EPHX4: variants seen among roughly 807,000 people sequenced by gnomAD.
EPHX4 encodes epoxide hydrolase 4, also known as abhydrolase domain containing 7.
In EPHX4, 31 loss-of-function variants were observed where a neutral mutation model predicts 44.9. The observed-to-expected ratio is 0.69, with a 90% CI of 0.52 to 0.93. The LOEUF (loss-of-function observed/expected upper bound fraction) is 0.93. EPHX4 is among the 40% of genes least tolerant of loss of function. The probability of loss-of-function intolerance (pLI) is 0.00; values close to 1 mark genes in which losing one functional copy is unlikely to be tolerated. For synonymous variants in EPHX4, 151 were observed against 159.7 expected, an observed-to-expected ratio of 0.95 and a Z score of 0.41; for missense variants, 373 against 438.1, an observed-to-expected ratio of 0.85 and a Z score of 1.33.
intron 6 of EPHX4, among the ~76,000 whole-genome samples, chr1:92,056,473 A>G (rs1020583743): frequency 1.3e-5 from 2 of 152,116 alleles, no homozygotes; most frequent in Non-Finnish European, 2.9e-5. Context: ...AAAAATGGAC[A>G]AATCCATAAT....
Position 92,063,268 on chromosome 1 carries a change from A to G in EPHX4, c.1071A>G (p.Glu357=). The G allele has an allele frequency of 1.3e-6, 2 of 1,590,242 alleles. No homozygotes were observed. Among genetic ancestry groups the G allele is most frequent in the Admixed American group, 1.7e-5 (1 of 58,224 alleles). Residue 357 remains glutamate, a synonymous_variant, in exon 7 of 7, where the codon GAA becomes GAG. Transcript: ENST00000370383. ...NKLIWTFLKE[E]TRKKD ...TGATATGGACATTTCTAAAAGAAGA[A>G]ACAAGAAAAAAAGATTGACTTTTCT...
At chr1:92,032,175 T>A (rs1161021775) in intron 1 of EPHX4, among the ~76,000 whole-genome samples, 1 of 152,170 alleles carries the variant, frequency 6.6e-6, no homozygotes, top group East Asian at 1.9e-4. Context: ...AGTTACAAAT[T>A]GTGACATTGC....
intron 4 of EPHX4, among the ~76,000 whole-genome samples, chr1:92,049,535 A>G (rs1033697359): frequency 6.6e-6 from 1 of 152,216 alleles, no homozygotes; most frequent in Non-Finnish European, 1.5e-5. Flanking sequence ...CACACAGTAG[A>G]TAGTCAAATA....
chr1:92,041,323 A>G (rs1688504757), intron 2 of EPHX4, among the ~76,000 whole-genome samples: 1 of 152,186 alleles, frequency 6.6e-6, no homozygotes, highest in South Asian at 2.1e-4. Context: ...GCAGAGGTTT[A>G]TCTTAAATGG....
intron 2 of EPHX4, among the ~76,000 whole-genome samples, chr1:92,039,717 G>C (rs1383415129): frequency 6.6e-6 from 1 of 152,000 alleles, no homozygotes; most frequent in Admixed American, 6.5e-5. Flanking sequence ...GCGGTGACTC[G>C]ATCTCGGCTC....
At chr1:92,034,136 C>T (rs1208683736) in intron 2 of EPHX4, among the ~76,000 whole-genome samples, 3 of 120,660 alleles carry the variant, frequency 2.5e-5, no homozygotes, top group Non-Finnish European at 5.2e-5. Flanking sequence ...ACTAAAAATA[C>T]AAAAAAAAAA....
At chr1:92,051,113 A>G (rs139051209) in intron 5 of EPHX4, among the ~76,000 whole-genome samples, 21 of 152,172 alleles carry the variant, frequency 1.4e-4, no homozygotes, top group Middle Eastern at 3.2e-3. Flanking sequence ...GATTACAGGC[A>G]TAAGCCACCA....
At chr1:92,057,044 ACT>A (rs1295637173) in intron 6 of EPHX4, among the ~76,000 whole-genome samples, 1 of 152,162 alleles carries the variant, frequency 6.6e-6, no homozygotes, top group Non-Finnish European at 1.5e-5. Flanking sequence ...TTAAAACAAT[ACT>A]TAAGAAGAAA....
chr1:92,036,312 A>G (rs1688435832), intron 2 of EPHX4, among the ~76,000 whole-genome samples: 1 of 152,176 alleles, frequency 6.6e-6, no homozygotes, highest in Non-Finnish European at 1.5e-5. Flanking sequence ...GTCGTATTCT[A>G]AGAGATTTTG....
intron 6 of EPHX4, among the ~76,000 whole-genome samples, chr1:92,055,186 T>C (rs1459758082): frequency 1.3e-5 from 2 of 152,088 alleles, no homozygotes; most frequent in African/African-American, 4.8e-5. Context: ...ACAAAACAAT[T>C]TCAATATGTC....
intron 3 of EPHX4, chr1:92,043,491 T>A (rs983803307): frequency 6.6e-6 from 1 of 151,944 alleles, no homozygotes. Flanking sequence ...TAATGTATGC[T>A]GTTTATTATT....
rs1364137207 is a variant in EPHX4, at chr1:92,046,426, T to C, written c.604+766T>C. 2.0e-5 allele frequency among the ~76,000 whole-genome samples: 3 copies of C among 152,210 alleles called. No homozygotes were observed. In the East Asian group the frequency reaches 5.8e-4, roughly 29 times the overall value. ...GATAACTGTGGATTTTCTTTCTTAA[T>C]ACTATACCAAACTTAAAAATTAATG... is the stretch of plus-strand genomic sequence containing the variant. On this transcript the variant is annotated intron_variant, in intron 4 of 6. Coordinates refer to ENST00000370383, the MANE Select transcript of EPHX4 (RefSeq NM_173567.5).
chr1:92,032,644 A>T, intron 2 of EPHX4, 54 bp downstream of exon 2: 1 of 1,434,710 alleles, frequency 7.0e-7, no homozygotes, highest in Admixed American at 1.7e-5. Flanking sequence ...TTATTTTCTC[A>T]GTTCATTTTG....
intron 2 of EPHX4, among the ~76,000 whole-genome samples, chr1:92,037,261 G>A (rs1254018680): frequency 6.6e-6 from 1 of 152,094 alleles, no homozygotes; most frequent in Non-Finnish European, 1.5e-5. Flanking sequence ...AAACAGAAAA[G>A]CACCATGCAA....
chr1:92,058,136 T>C (rs754622658), intron 6 of EPHX4, among the ~76,000 whole-genome samples: 1 of 151,920 alleles, frequency 6.6e-6, no homozygotes, highest in Non-Finnish European at 1.5e-5. Flanking sequence ...CAAGGATGAG[T>C]TAGCATTAAA....
chr1:92,039,912 C>T (rs1688486829), intron 2 of EPHX4, among the ~76,000 whole-genome samples: 1 of 152,168 alleles, frequency 6.6e-6, no homozygotes, highest in Non-Finnish European at 1.5e-5. Context: ...CTTTGGCCTT[C>T]CAAAGTGCTA....
chr1:92,042,999 A>T lies in EPHX4; in HGVS notation c.475+19A>T. ...TCTTTAGGTAGGTTAGTTTGAAACA[A>T]AACAACTCTTTTTAAGGGACAAACA... is the stretch of plus-strand genomic sequence containing the variant. On this transcript the variant is annotated intron_variant, in intron 3 of 6. Transcript: ENST00000370383. The T allele has an allele frequency of 1.3e-6, 2 of 1,560,738 alleles. No individual in the cohort carries two copies. The highest frequency in any genetic ancestry group is 2.3e-5 in the South Asian group (2 of 85,510).
chr1:92,031,047 C>T (rs1688352795), intron 1 of EPHX4, among the ~76,000 whole-genome samples: 1 of 152,116 alleles, frequency 6.6e-6, no homozygotes, highest in South Asian at 2.1e-4. Context: ...GACTCACAGG[C>T]CTTTCAAACC....
At chr1:92,038,748 G>A (rs1054976570) in intron 2 of EPHX4, among the ~76,000 whole-genome samples, 3 of 152,152 alleles carry the variant, frequency 2.0e-5, no homozygotes, top group Admixed American at 2.0e-4. Context: ...ATGGTGGGGA[G>A]TGATGGTATT....
Sources: gnomAD v4.1 joint callset for allele counts (sites outside exome capture counted in the v4.1 genomes callset) on GRCh38, gnomAD v4.1.1 for gene constraint, MANE v1.5 for transcripts, NCBI Gene and HGNC (gene_info 2026-07-23, HGNC 2026-07-21) for gene names.